The following KIAA0825 variants were observed in gnomAD, a reference collection of about 807,000 sequenced individuals.
The protein encoded by KIAA0825 is KIAA0825.
In KIAA0825, 119 loss-of-function variants were observed where a neutral mutation model predicts 147.6. That is an observed-to-expected ratio of 0.81 (90% CI 0.69 to 0.94). The LOEUF is 0.94. Ranked by LOEUF, KIAA0825 falls within the 40% of genes least tolerant of loss-of-function variation. KIAA0825 has a pLI of 0.00. For missense variants in KIAA0825, 1,381 were observed against 1,472.7 expected (o/e 0.94, Z 1.02); for synonymous variants, 470 against 518.1 (o/e 0.91, Z 1.26).
intron 20 of KIAA0825, among the ~76,000 whole-genome samples, chr5:94,353,332 C>A (rs1246329256): frequency 6.6e-6 from 1 of 152,126 alleles, no homozygotes; most frequent in Admixed American, 6.5e-5. Context: ...GGGTATCATA[C>A]AAATGCTTCC....
chr5:94,535,933 T>C (rs2151328113), intron 3 of KIAA0825, among the ~76,000 whole-genome samples: 1 of 152,340 alleles, frequency 6.6e-6, no homozygotes, highest in South Asian at 2.1e-4. Flanking sequence ...TAATAACATG[T>C]AATGTAATGG....
chr5:94,160,441 A>G (rs1767452076), intron 20 of KIAA0825, among the ~76,000 whole-genome samples: 1 of 149,736 alleles, frequency 6.7e-6, no homozygotes, highest in South Asian at 2.1e-4. Context: ...GTATATATGT[A>G]TATAGTACAT....
chr5:94,545,309 C>T (rs114842461), intron 2 of KIAA0825, among the ~76,000 whole-genome samples: 1 of 151,920 alleles, frequency 6.6e-6, no homozygotes, highest in Non-Finnish European at 1.5e-5. Flanking sequence ...CTAAGCACAC[C>T]CTTGTGCTGT....
chr5:94,493,905 C>T (rs1764027875), intron 5 of KIAA0825, among the ~76,000 whole-genome samples: 1 of 152,076 alleles, frequency 6.6e-6, no homozygotes, highest in Non-Finnish European at 1.5e-5. Flanking sequence ...ACAGAGAGAA[C>T]CCCTGGGTTT....
intron 20 of KIAA0825, among the ~76,000 whole-genome samples, chr5:94,321,851 T>C (rs1276187898): frequency 6.6e-6 from 1 of 151,990 alleles, no homozygotes; most frequent in Non-Finnish European, 1.5e-5. Context: ...ATACTGAAGG[T>C]ATAGAATTCC....
intron 14 of KIAA0825, among the ~76,000 whole-genome samples, chr5:94,430,449 A>T (rs1482708058): frequency 2.0e-5 from 3 of 152,214 alleles, no homozygotes; most frequent in Non-Finnish European, 4.4e-5. Context: ...AATTCATTTA[A>T]AAACAATAGA....
chr5:94,551,544 G>C (rs778635360), intron 2 of KIAA0825, among the ~76,000 whole-genome samples: 1 of 152,076 alleles, frequency 6.6e-6, no homozygotes, highest in East Asian at 1.9e-4. Flanking sequence ...TACAAGCCTG[G>C]AGAGAATGGG....
chr5:94,352,738 T>C (rs1358745889), intron 20 of KIAA0825, among the ~76,000 whole-genome samples: 1 of 152,200 alleles, frequency 6.6e-6, no homozygotes, highest in African/African-American at 2.4e-5. Flanking sequence ...TGAAATACTA[T>C]GCAGCCATAA....
intron 20 of KIAA0825, among the ~76,000 whole-genome samples, chr5:94,354,863 A>C (rs913693356): frequency 6.6e-6 from 1 of 152,226 alleles, no homozygotes; most frequent in African/African-American, 2.4e-5. Flanking sequence ...AATAGAAGTG[A>C]CCATGGCCCA....
chr5:94,165,214 T>A (rs559548451), intron 20 of KIAA0825, among the ~76,000 whole-genome samples: 7 of 152,222 alleles, frequency 4.6e-5, no homozygotes, highest in African/African-American at 1.7e-4. Flanking sequence ...TGAATAGAAA[T>A]TTTTCAAAAG....
At chr5:94,600,090 G>C (rs1423298333) in intron 1 of KIAA0825, among the ~76,000 whole-genome samples, 1 of 152,170 alleles carries the variant, frequency 6.6e-6, no homozygotes, top group Non-Finnish European at 1.5e-5. Context: ...CATCATTAGA[G>C]AAATGCAAAT....
At chr5:94,339,134 C>G (rs542189584) in intron 20 of KIAA0825, among the ~76,000 whole-genome samples, 1 of 152,012 alleles carries the variant, frequency 6.6e-6, no homozygotes, top group Non-Finnish European at 1.5e-5. Context: ...ATAAGCTGTT[C>G]GTAGATGTAG....
At chr5:94,318,690 A>T (rs1343489738) in intron 20 of KIAA0825, among the ~76,000 whole-genome samples, 1 of 151,922 alleles carries the variant, frequency 6.6e-6, no homozygotes, top group Non-Finnish European at 1.5e-5. Flanking sequence ...CAGGAAGAGT[A>T]AAGGCTAATA....
At chr5:94,254,607 A>G (rs1339150025) in intron 20 of KIAA0825, among the ~76,000 whole-genome samples, 1 of 152,198 alleles carries the variant, frequency 6.6e-6, no homozygotes, top group Non-Finnish European at 1.5e-5. Flanking sequence ...AATAATTTAT[A>G]TCTTCAAAAC....
At chr5:94,217,645 G>A (rs1773317000) in intron 20 of KIAA0825, among the ~76,000 whole-genome samples, 1 of 152,054 alleles carries the variant, frequency 6.6e-6, no homozygotes, top group South Asian at 2.1e-4. Context: ...ATTAGACCAG[G>A]GCAGAGAAGA....
chr5:94,170,233 A>G (rs999603761), intron 20 of KIAA0825, among the ~76,000 whole-genome samples: 1 of 152,112 alleles, frequency 6.6e-6, no homozygotes, highest in Non-Finnish European at 1.5e-5. Context: ...CAGGAGACAG[A>G]GCTTGCAGTG....
Position 94,519,930 on chromosome 5 carries a change from CATTT to C in KIAA0825, c.970+314_970+317del, listed in dbSNP as rs571541345. 2.5e-3 allele frequency: 1,907 copies of C among 776,140 alleles called. 3 individuals carry two copies. The highest frequency in any genetic ancestry group is 5.7e-3 in the Middle Eastern group (9 of 1,566). 48.1% of individuals were successfully genotyped at this position (776,140 alleles called of 1,614,324 possible). A position where few individuals can be genotyped will look rare whatever the true frequency, so the allele number is the denominator to read the frequency against. On this transcript the variant is annotated intron_variant, in intron 5 of 20. Transcript: ENST00000682413. ...TTATATGTGTATAAGCATATATACT[CATTT>C]ATATATATGTGTGTATACACACAGT... is the stretch of plus-strand genomic sequence containing the variant.
At chr5:94,580,391 T>A (rs72771702) in intron 2 of KIAA0825, among the ~76,000 whole-genome samples, 2 of 152,196 alleles carry the variant, frequency 1.3e-5, no homozygotes, top group Non-Finnish European at 2.9e-5. Flanking sequence ...TTATATTTAC[T>A]TTTCTAAATT....
rs561859658 is a variant in KIAA0825, at chr5:94,614,324, T to C, written c.-153+4176A>G. On this transcript the variant is annotated intron_variant, in intron 1 of 20. Transcript: ENST00000682413. ...CCACTCTTCCTTTCTCTTTCCTTTTTGGCATATTTGTACACTCTAATGTTT... is the reference window on the plus strand; with the variant it reads ...CCACTCTTCCTTTCTCTTTCCTTTTCGGCATATTTGTACACTCTAATGTTT... 1.1e-3 allele frequency among the ~76,000 whole-genome samples: 160 copies of C among 152,330 alleles called. 1 individual carries two copies. Among genetic ancestry groups the C allele is most frequent in the African/African-American group, 3.7e-3 (154 of 41,582 alleles).
Sources: allele counts gnomAD v4.1 joint callset (sites outside exome capture counted in the v4.1 genomes callset), GRCh38; gene constraint gnomAD v4.1.1; transcripts MANE v1.5; gene names NCBI Gene and HGNC (gene_info 2026-07-23, HGNC 2026-07-21).